CFAP141: variants seen among roughly 807,000 people sequenced by gnomAD.
CFAP141 encodes the protein cilia- and flagella-associated protein 141.
chr1:154,205,328 T>TA, the CFAP141 span, among the ~76,000 whole-genome samples: 1 of 152,110 alleles, frequency 6.6e-6, no homozygotes, highest in Non-Finnish European at 1.5e-5. Flanking sequence ...GAATTCTTGA[T>TA]AAAAAAAGAA....
the CFAP141 span, among the ~76,000 whole-genome samples, chr1:154,205,026 C>T: frequency 1.5e-3 from 234 of 151,912 alleles, no homozygotes; most frequent in Admixed American, 3.1e-3. Context: ...GGACTACAGG[C>T]GCACACTACC....
the CFAP141 span, chr1:154,199,350 G>A: frequency 4.3e-6 from 4 of 939,808 alleles, no homozygotes; most frequent in East Asian, 5.0e-5. Context: ...TTGGGAAGGA[G>A]GTTCAAGGTG....
the CFAP141 span, chr1:154,199,264 A>G: frequency 1.9e-6 from 1 of 535,878 alleles, no homozygotes; most frequent in Non-Finnish European, 3.4e-6. Context: ...GCGGCAAAGG[A>G]TTAACGAGAG....
the CFAP141 span, chr1:154,205,625 G>A: frequency 1.1e-5 from 18 of 1,613,852 alleles, no homozygotes; most frequent in Non-Finnish European, 1.5e-5. Context: ...AAGTCCCATG[G>A]CCTTTTGAAA....
the CFAP141 span, chr1:154,206,227 G>A: frequency 1.3e-6 from 2 of 1,577,796 alleles, no homozygotes; most frequent in Non-Finnish European, 1.7e-6. Context: ...AATTGATCTG[G>A]AAACTTCATC....
the CFAP141 span, among the ~76,000 whole-genome samples, chr1:154,204,561 A>G: frequency 1.4e-3 from 209 of 147,332 alleles, 2 homozygotes; most frequent in African/African-American, 5.1e-3. Context: ...GATTACAGAC[A>G]TGAGCCAATG....
At chr1:154,201,757 GAATCTTCATTGA>G in the CFAP141 span, among the ~76,000 whole-genome samples, 1 of 151,826 alleles carries the variant, frequency 6.6e-6, no homozygotes, top group Admixed American at 6.6e-5. Context: ...GGCTAGACTG[GAATCTTCATTGA>G]AGTTTTAATT....
chr1:154,200,620 G>A, the CFAP141 span: 1 of 1,612,742 alleles, frequency 6.2e-7, no homozygotes, highest in Non-Finnish European at 8.5e-7. Flanking sequence ...GGGTTGAATG[G>A]GTGGGTTAGA....
At chr1:154,200,244 T>C in the CFAP141 span, among the ~76,000 whole-genome samples, 2 of 152,238 alleles carry the variant, frequency 1.3e-5, no homozygotes, top group South Asian at 2.1e-4. Flanking sequence ...GACTTTAACA[T>C]GTGCCTGCCG....
chr1:154,203,604 G>A, the CFAP141 span, among the ~76,000 whole-genome samples: 1 of 151,898 alleles, frequency 6.6e-6, no homozygotes. Flanking sequence ...TTTTTTTGTA[G>A]AGACGGAGTC....
the CFAP141 span, chr1:154,205,586 G>C: frequency 1.9e-6 from 3 of 1,613,154 alleles, no homozygotes; most frequent in African/African-American, 4.0e-5. Flanking sequence ...GGAGGGGATA[G>C]AAGCAGATTA....
chr1:154,206,067 G>A, the CFAP141 span, among the ~76,000 whole-genome samples: 1 of 152,162 alleles, frequency 6.6e-6, no homozygotes, highest in Non-Finnish European at 1.5e-5. Context: ...TCTACTTTCA[G>A]AATGGATCAA....
the CFAP141 span, among the ~76,000 whole-genome samples, chr1:154,204,005 T>C: frequency 6.6e-6 from 1 of 152,030 alleles, no homozygotes; most frequent in African/African-American, 2.4e-5. Context: ...GCAGGAGAAT[T>C]GCTTAGACCC....
the CFAP141 span, among the ~76,000 whole-genome samples, chr1:154,202,303 A>C: frequency 2.7e-5 from 4 of 150,794 alleles, no homozygotes; most frequent in African/African-American, 9.7e-5. Context: ...CTCGAACTCC[A>C]GACCTCAAGT....
chr1:154,204,544 G>A, the CFAP141 span, among the ~76,000 whole-genome samples: 1 of 151,858 alleles, frequency 6.6e-6, no homozygotes, highest in Non-Finnish European at 1.5e-5. Flanking sequence ...CCCTCCCAAA[G>A]TGCTGGGATT....
the CFAP141 span, chr1:154,200,462 T>A: frequency 1.2e-6 from 2 of 1,614,004 alleles, no homozygotes; most frequent in African/African-American, 2.7e-5. Flanking sequence ...AACTCACCAT[T>A]AGTAGTTGCT....
chr1:154,205,485 T>C, the CFAP141 span: 2 of 977,044 alleles, frequency 2.0e-6, no homozygotes, highest in Non-Finnish European at 3.3e-6. Flanking sequence ...GCATCTGTTT[T>C]CCTCTTGATG....
the CFAP141 span, chr1:154,200,589 C>T: frequency 6.2e-7 from 1 of 1,614,002 alleles, no homozygotes; most frequent in South Asian, 1.1e-5. Flanking sequence ...ATTTCGCCAC[C>T]TGCTCCAGGT....
At chr1:154,200,840 G>A in the CFAP141 span, among the ~76,000 whole-genome samples, 4 of 151,990 alleles carry the variant, frequency 2.6e-5, no homozygotes, top group African/African-American at 9.7e-5. Flanking sequence ...CTGGCACCAT[G>A]CCCAGCTAAT....
Sources: allele counts gnomAD v4.1 joint callset (sites outside exome capture counted in the v4.1 genomes callset), GRCh38; gene constraint gnomAD v4.1.1; transcripts MANE v1.5; gene names NCBI Gene and HGNC (gene_info 2026-07-23, HGNC 2026-07-21).